The following ETV7 variants were observed in gnomAD, a reference collection of about 807,000 sequenced individuals.
The protein encoded by ETV7 is transcription factor ETV7.
A neutral mutation model predicts 39.1 loss-of-function variants in ETV7; 43 were observed. The ratio of observed to expected loss-of-function variants is 1.10; its 90% confidence interval spans 0.86 to 1.42. ETV7 has a LOEUF of 1.42. Among genes scored for constraint, ETV7 ranks in the 40% most tolerant of loss-of-function variants. The probability of loss-of-function intolerance (pLI) is 0.00; values close to 1 mark genes in which losing one functional copy is unlikely to be tolerated. For synonymous variants in ETV7, 196 were observed against 176.6 expected (o/e 1.11, Z -0.87); for missense variants, 432 against 442.3 (o/e 0.98, Z 0.21).
At chr6:36,363,126 A>T (rs967669573), downstream of ETV7, among the ~76,000 whole-genome samples, 34 of 152,184 alleles carry the variant, frequency 2.2e-4, no homozygotes, top group African/African-American at 7.7e-4. Flanking sequence ...TGGGGTGAGG[A>T]GGTGATAATG....
chr6:36,371,604 A>T, intron 4 of ETV7, 44 bp from the exon 5 acceptor site: 1 of 1,493,058 alleles, frequency 6.7e-7, no homozygotes, highest in Admixed American at 2.0e-5. Flanking sequence ...GTGGGCCCCA[A>T]GCCTCCCCAA....
intron 7 of ETV7, among the ~76,000 whole-genome samples, chr6:36,357,430 C>T (rs1406838191): frequency 6.6e-6 from 1 of 152,184 alleles, no homozygotes; most frequent in Admixed American, 6.5e-5. Context: ...CCATACAGGA[C>T]AGTCTCCTGG....
At chr6:36,378,974 G>A (rs1216336670) in intron 2 of ETV7, among the ~76,000 whole-genome samples, 1 of 152,246 alleles carries the variant, frequency 6.6e-6, no homozygotes, top group Non-Finnish European at 1.5e-5. Flanking sequence ...TAGCAGGAGT[G>A]CAGGGAAAAG....
At chr6:36,364,757 C>T (rs1229127889), downstream of ETV7, among the ~76,000 whole-genome samples, 6 of 152,176 alleles carry the variant, frequency 3.9e-5, no homozygotes, top group Admixed American at 6.5e-5. Context: ...CGAGAGCGAG[C>T]GAGGGCTGTG....
At chr6:36,365,476 C>T (rs967789813), downstream of ETV7, among the ~76,000 whole-genome samples, 1 of 152,176 alleles carries the variant, frequency 6.6e-6, no homozygotes, top group Non-Finnish European at 1.5e-5. Context: ...ATTTTGCAGA[C>T]GAGAAACCTG....
chr6:36,385,725 C>T, intron 1 of ETV7, 56 bp from the exon 2 acceptor site: 3 of 1,544,598 alleles, frequency 1.9e-6, no homozygotes, highest in Non-Finnish European at 2.6e-6. Flanking sequence ...AAGGCTCAGC[C>T]ATCTTTAAAT....
chr6:36,366,709 G>A lies in ETV7; in HGVS notation c.962C>T (p.Pro321Leu), dbSNP rs115265985. Residue 321 changes from proline to leucine, a missense_variant, in exon 8 of 8, where the codon CCG (proline) becomes CTG (leucine). Transcript: ENST00000340181. ...MVQDKHSHLE[P>L]LESQEQDRIE... is the part of the protein sequence containing the mutation. ...TCTGTCCTGCTCCTGGCTCTCCAGC[G>A]GCTCCAGGTGGCTGTGCTTGTCCTG... is the stretch of plus-strand genomic sequence containing the variant. 7 of 1,613,992 alleles carry A rather than the reference G, an allele frequency of 4.3e-6. No individual in the cohort carries two copies. Among genetic ancestry groups the A allele is most frequent in the East Asian group, 4.5e-5 (2 of 44,870 alleles).
At chr6:36,386,729 C>T (rs1278924737) in intron 1 of ETV7, 1 of 152,280 alleles carries the variant, frequency 6.6e-6, no homozygotes, top group Non-Finnish European at 1.5e-5. Flanking sequence ...GGATTCAACA[C>T]CTTTCCGGGT....
At chr6:36,368,813 CT>C (rs1772851025) in intron 6 of ETV7, 115 bp downstream of exon 6, 1 of 1,357,626 alleles carries the variant, frequency 7.4e-7, no homozygotes, top group East Asian at 2.3e-5. Flanking sequence ...ACTTTTGGGG[CT>C]GCTGATGAAG....
chr6:36,366,039 T>C (rs983364501), downstream of ETV7, among the ~76,000 whole-genome samples: 6 of 152,208 alleles, frequency 3.9e-5, no homozygotes, highest in South Asian at 1.2e-3. Context: ...CCGGGTGTGG[T>C]GGTGGGCAGC....
At chr6:36,357,406 C>T (rs1277250353) in intron 7 of ETV7, among the ~76,000 whole-genome samples, 1 of 152,178 alleles carries the variant, frequency 6.6e-6, no homozygotes, top group Non-Finnish European at 1.5e-5. Flanking sequence ...GGACAGGAAG[C>T]CCACTGGGGC....
At position 36,369,237 on chromosome 6, in the gene ETV7, G is replaced by A. The variant is rs117027055; in HGVS notation, c.665-166C>T. 3.1e-3 allele frequency among the ~76,000 whole-genome samples: 472 copies of A among 152,294 alleles called. 5 individuals carry two copies. Among genetic ancestry groups the A allele is most frequent in the South Asian group, 0.025 (121 of 4,824 alleles). ...AACAGCCACTAATGGGGCTCCTCAC[G>A]CATTGTCTCAGGCAGTCTTCCTGAG... On this transcript the variant is annotated intron_variant, in intron 5 of 7. Coordinates refer to ENST00000340181, the MANE Select transcript of ETV7 (RefSeq NM_016135.4).
At chr6:36,363,419 G>A (rs1025210089), downstream of ETV7, among the ~76,000 whole-genome samples, 5 of 151,790 alleles carry the variant, frequency 3.3e-5, no homozygotes, top group Non-Finnish European at 2.9e-5. Flanking sequence ...GAGTGAAGCT[G>A]CAGACCTTCA....
intron 7 of ETV7, among the ~76,000 whole-genome samples, chr6:36,360,354 T>C (rs1772455094): frequency 1.3e-5 from 2 of 152,220 alleles, no homozygotes; most frequent in Non-Finnish European, 2.9e-5. Flanking sequence ...TAAGAAGTTA[T>C]TCCCAATAAA....
chr6:36,368,894 G>A lies in ETV7; in HGVS notation c.807+35C>T, dbSNP rs1424900422. On this transcript the variant is annotated intron_variant, in intron 6 of 7. Coordinates refer to ENST00000340181, the MANE Select transcript of ETV7 (RefSeq NM_016135.4). ...TGACCCCCAACTCTGTCCCCTTCTG[G>A]TTATGTTGAGACCATTCTGCTGGCC... 1.9e-6 allele frequency: 3 copies of A among 1,613,920 alleles called. No individual in the cohort carries two copies. In the Admixed American group the frequency reaches 5.0e-5, roughly 27 times the overall value.
chr6:36,378,108 T>C (rs915097612), intron 2 of ETV7, among the ~76,000 whole-genome samples: 1 of 152,088 alleles, frequency 6.6e-6, no homozygotes. Flanking sequence ...GAAAAGAAGG[T>C]GGAGCCCAGG....
chr6:36,384,354 A>G (rs1773793374), intron 2 of ETV7, among the ~76,000 whole-genome samples: 1 of 152,220 alleles, frequency 6.6e-6, no homozygotes, highest in Admixed American at 6.5e-5. Context: ...GTGTGCAGGA[A>G]GATCTGGTGA....
chr6:36,359,781 C>A (rs1253853137), intron 7 of ETV7, among the ~76,000 whole-genome samples: 1 of 152,222 alleles, frequency 6.6e-6, no homozygotes, highest in East Asian at 1.9e-4. Context: ...TTTGAAATTT[C>A]TCAACTCCAT....
At chr6:36,367,828 G>A (rs1772808344) in intron 6 of ETV7, among the ~76,000 whole-genome samples, 1 of 152,050 alleles carries the variant, frequency 6.6e-6, no homozygotes, top group African/African-American at 2.4e-5. Context: ...CTCTGAGTCT[G>A]CTTCCCCAGC....
Sources: gnomAD v4.1 joint callset for allele counts (sites outside exome capture counted in the v4.1 genomes callset) on GRCh38, gnomAD v4.1.1 for gene constraint, MANE v1.5 for transcripts, NCBI Gene and HGNC (gene_info 2026-07-23, HGNC 2026-07-21) for gene names.